The following KIF6 variants were observed in gnomAD, a reference collection of about 807,000 sequenced individuals.
KIF6 encodes kinesin-like protein KIF6.
KIF6 carries 106 observed loss-of-function variants against 112.7 expected under a neutral mutation model. That is an observed-to-expected ratio of 0.94 (90% CI 0.80 to 1.11). The LOEUF (loss-of-function observed/expected upper bound fraction) is 1.11, where lower values mean the gene tolerates loss of function less well. KIF6 is among the 50% of genes least tolerant of loss of function. The pLI is 0.00. For missense variants in KIF6, 929 were observed against 964.0 expected (o/e 0.96, Z 0.48); for synonymous variants, 339 against 339.9 (o/e 1.00, Z 0.03).
At chr6:39,604,259 C>T (rs1004565486) in intron 6 of KIF6, among the ~76,000 whole-genome samples, 3 of 152,202 alleles carry the variant, frequency 2.0e-5, no homozygotes, top group East Asian at 1.9e-4. Context: ...GAAGAATTAC[C>T]GAATCTGTTA....
chr6:39,362,354 G>T, intron 17 of KIF6, 80 bp downstream of exon 17: 1 of 1,049,892 alleles, frequency 9.5e-7, no homozygotes, highest in Non-Finnish European at 1.5e-6. Context: ...CTGAGTAGCT[G>T]CAGCCCTGGG....
intron 5 of KIF6, among the ~76,000 whole-genome samples, chr6:39,618,651 A>G (rs1315183923): frequency 2.0e-5 from 3 of 152,198 alleles, no homozygotes; most frequent in African/African-American, 7.2e-5. Context: ...AAATCTAATT[A>G]AAAGGTTTTT....
chr6:39,347,342 TGAGA>T (rs1029989707), intron 19 of KIF6, among the ~76,000 whole-genome samples: 1 of 152,152 alleles, frequency 6.6e-6, no homozygotes, highest in African/African-American at 2.4e-5. Flanking sequence ...AGCTTCATGC[TGAGA>T]GAGGAGTCAG....
At chr6:39,723,197 C>T (rs187808512) in intron 1 of KIF6, among the ~76,000 whole-genome samples, 21 of 152,310 alleles carry the variant, frequency 1.4e-4, no homozygotes, top group Admixed American at 1.1e-3. Context: ...ATGGTTCTTT[C>T]TACACCACTT....
chr6:39,590,447 A>ATT (rs1432756577), intron 7 of KIF6, among the ~76,000 whole-genome samples: 2 of 114,372 alleles, frequency 1.7e-5, no homozygotes, highest in African/African-American at 7.8e-5. Flanking sequence ...ATATATATAT[A>ATT]TATATTTTTT....
At chr6:39,679,619 T>TC (rs1367877147) in intron 3 of KIF6, among the ~76,000 whole-genome samples, 1 of 146,130 alleles carries the variant, frequency 6.8e-6, no homozygotes, top group African/African-American at 2.5e-5. Flanking sequence ...CTTTTCTTTT[T>TC]TTTTTTTTTT....
At chr6:39,427,008 C>T (rs1405895631) in intron 14 of KIF6, among the ~76,000 whole-genome samples, 1 of 152,220 alleles carries the variant, frequency 6.6e-6, no homozygotes, top group Admixed American at 6.5e-5. Context: ...AATGTCCCAA[C>T]ACCAGCATGG....
Position 39,649,745 on chromosome 6 carries a change from GAAAGAAAGAAAGAAAGAAAGAAAGAAAGA to G in KIF6, c.252-10017_252-9989del, listed in dbSNP as rs1561897277. 5.7e-4 allele frequency among the ~76,000 whole-genome samples: 58 copies of G among 102,394 alleles called. 1 individual carries two copies. The highest frequency in any genetic ancestry group is 4.5e-4 in the South Asian group (1 of 2,246). The allele number at this position is 102,394 out of a possible 152,430, so 67.2% of individuals were successfully genotyped here. ...TTAAAGAAAGAAAGAAAGAAAGAAA[GAAAGAAAGAAAGAAAGAAAGAAAGAAAGA>G]AAAGAAACTAAACTAAATATCAGCA... On this transcript the variant is annotated intron_variant, in intron 3 of 22. Coordinates refer to ENST00000287152, the MANE Select transcript of KIF6 (RefSeq NM_145027.6).
intron 5 of KIF6, among the ~76,000 whole-genome samples, chr6:39,614,616 T>C (rs1783406274): frequency 6.6e-6 from 1 of 152,174 alleles, no homozygotes; most frequent in African/African-American, 2.4e-5. Context: ...AATGTCCTCC[T>C]TTGCCAAGTT....
chr6:39,598,260 A>G (rs912988242), intron 6 of KIF6, among the ~76,000 whole-genome samples: 5 of 152,264 alleles, frequency 3.3e-5, no homozygotes, highest in African/African-American at 1.2e-4. Flanking sequence ...AGCAAAGAAT[A>G]TGACTAGGTA....
chr6:39,558,428 G>A (rs1224618845), intron 10 of KIF6, among the ~76,000 whole-genome samples: 1 of 152,044 alleles, frequency 6.6e-6, no homozygotes, highest in African/African-American at 2.4e-5. Flanking sequence ...ATATAAAACT[G>A]TAATCAGAAT....
At chr6:39,420,152 C>T in intron 14 of KIF6, 149 bp from the exon 15 acceptor site, 2 of 619,604 alleles carry the variant, frequency 3.2e-6, no homozygotes, top group Non-Finnish European at 5.6e-6. Context: ...ATATATTAGG[C>T]TTAAAAATAG....
At chr6:39,424,474 C>T (rs769814376) in intron 14 of KIF6, among the ~76,000 whole-genome samples, 3 of 152,202 alleles carry the variant, frequency 2.0e-5, no homozygotes, top group East Asian at 1.9e-4. Context: ...CAGGGGCTTG[C>T]ACCTAGTAAG....
intron 3 of KIF6, among the ~76,000 whole-genome samples, chr6:39,692,883 T>A (rs2113808732): frequency 1.3e-5 from 2 of 152,272 alleles, no homozygotes; most frequent in East Asian, 3.9e-4. Flanking sequence ...TAAAAAAGCC[T>A]CACTTTTAAA....
rs1190856228 is a variant in KIF6 at position 39,337,151 on chromosome 6, TTTCTTTTCTTTCTTTCCTTCC to T, written c.2429-624_2429-604del. On this transcript the variant is annotated intron_variant, in intron 22 of 22. Transcript: ENST00000287152. The stretch of plus-strand genomic sequence containing the variant: ...TTCCTCCTTCCTTCCTTCCTTTCTC[TTTCTTTTCTTTCTTTCCTTCC>T]TTCTTTCTTTCTTTCTTTCTTTCTT... Among the ~76,000 whole-genome samples, 737 of 84,352 alleles carry T rather than the reference TTTCTTTTCTTTCTTTCCTTCC, an allele frequency of 8.7e-3. 43 individuals carry two copies. Among genetic ancestry groups the T allele is most frequent in the African/African-American group, 0.01 (156 of 15,500 alleles). The allele number at this position is 84,352 out of a possible 152,430, so 55.3% of individuals were successfully genotyped here.
At chr6:39,414,598 C>T (rs1218497524) in intron 15 of KIF6, among the ~76,000 whole-genome samples, 1 of 152,168 alleles carries the variant, frequency 6.6e-6, no homozygotes, top group Non-Finnish European at 1.5e-5. Context: ...CCCAAAGTGC[C>T]AAAGATGACC....
rs79494296 is a variant in KIF6, at chr6:39,346,435, C to G, written c.2231+41G>C. 2.1e-3 allele frequency: 1,472 copies of G among 716,864 alleles called. 15 individuals are homozygous for G. In the African/African-American group the frequency reaches 0.021, roughly 10 times the overall value. The allele number at this position is 716,864 out of a possible 1,614,324, so 44.4% of individuals were successfully genotyped here. A position where few individuals can be genotyped will look rare whatever the true frequency, so the allele number is the denominator to read the frequency against. ...CCCCTTCCACCATGTGAGGATGCGT[C>G]GAGAAGACAGCTGTCTATGAACCGG... is the stretch of plus-strand genomic sequence containing the variant. On this transcript the variant is annotated intron_variant, in intron 20 of 22. Coordinates refer to ENST00000287152, the MANE Select transcript of KIF6 (RefSeq NM_145027.6).
chr6:39,644,022 T>C (rs557262299), intron 3 of KIF6, among the ~76,000 whole-genome samples: 1 of 152,050 alleles, frequency 6.6e-6, no homozygotes, highest in South Asian at 2.1e-4. Context: ...GGGCAACAGA[T>C]TCGAATAGAC....
Position 39,360,392 on chromosome 6 carries a change from T to A in KIF6, c.2082+3A>T. ...AGCTTCCCTGATGTTCCCCAGGCCATACCTGCAGGTTGGTGGCCTCCTCTG... is the reference window on the plus strand; with the variant it reads ...AGCTTCCCTGATGTTCCCCAGGCCAAACCTGCAGGTTGGTGGCCTCCTCTG... On this transcript the variant is annotated splice_donor_region_variant and intron_variant, in intron 18 of 22. Transcript: ENST00000287152. 1 of 1,614,130 alleles carries A rather than the reference T, an allele frequency of 6.2e-7. No individual in the cohort carries two copies. Among genetic ancestry groups the A allele is most frequent in the Non-Finnish European group, 8.5e-7 (1 of 1,179,994 alleles).
Sources: allele counts gnomAD v4.1 joint callset (sites outside exome capture counted in the v4.1 genomes callset), GRCh38; gene constraint gnomAD v4.1.1; transcripts MANE v1.5; gene names NCBI Gene and HGNC (gene_info 2026-07-23, HGNC 2026-07-21).